Variants in WDR49 observed in about 807,000 individuals in gnomAD.
WDR49 encodes WD repeat domain 49, also known as cilia- and flagella-associated protein 337.
In WDR49, 107 loss-of-function variants were observed where a neutral mutation model predicts 119.5. The observed-to-expected ratio is 0.90, with a 90% CI of 0.77 to 1.05. The LOEUF (loss-of-function observed/expected upper bound fraction) is 1.05. Ranked by LOEUF, WDR49 falls within the 50% of genes least tolerant of loss-of-function variation. The pLI, the probability that WDR49 is intolerant of heterozygous loss-of-function variation, is 0.00. For missense variants in WDR49, 1,240 were observed against 1,220.5 expected (o/e 1.02, Z -0.24); for synonymous variants, 425 against 418.8 (o/e 1.01, Z -0.18).
intron 16 of WDR49, among the ~76,000 whole-genome samples, chr3:167,510,246 G>A (rs1025641444): frequency 1.3e-5 from 2 of 152,110 alleles, no homozygotes; most frequent in African/African-American, 2.4e-5. Flanking sequence ...AGCTGGGCAT[G>A]GTGGCATATG....
At chr3:167,565,404 C>CAT in intron 8 of WDR49, among the ~76,000 whole-genome samples, 1 of 143,344 alleles carries the variant, frequency 7.0e-6, no homozygotes. Context: ...CACACACACA[C>CAT]ACACACACTT....
At chr3:167,520,361 A>G (rs1752393801) in intron 16 of WDR49, among the ~76,000 whole-genome samples, 1 of 152,088 alleles carries the variant, frequency 6.6e-6, no homozygotes, top group Non-Finnish European at 1.5e-5. Flanking sequence ...TCTGCTATGC[A>G]TGTGATGGAA....
At chr3:167,519,419 A>C (rs546214777) in intron 16 of WDR49, among the ~76,000 whole-genome samples, 1 of 152,232 alleles carries the variant, frequency 6.6e-6, no homozygotes, top group Non-Finnish European at 1.5e-5. Flanking sequence ...TGGATAAAGA[A>C]AATGTTACAT....
At chr3:167,584,481 T>C (rs766163863) in intron 7 of WDR49, among the ~76,000 whole-genome samples, 12 of 152,108 alleles carry the variant, frequency 7.9e-5, no homozygotes, top group Non-Finnish European at 1.8e-4. Context: ...TGTTGGAGGA[T>C]AGTTCAAATG....
chr3:167,576,212 A>T (rs1404346665), intron 7 of WDR49, 61 bp from the exon 8 acceptor site: 2 of 1,471,884 alleles, frequency 1.4e-6, no homozygotes, highest in East Asian at 2.4e-5. Flanking sequence ...CTTTTAGCCA[A>T]TTTTTTTTCT....
Position 167,536,910 on chromosome 3 carries a change from G to A in WDR49, c.1914C>T (p.Ile638=), listed in dbSNP as rs267599676. ...GTGGAGGTAAAAACGCAGCACACAA[G>A]ATGTCATCATGGTGCTGTATACCTC... The part of the protein sequence containing the change: ...WKGGIQHHDD[I]LCAAFLPPQT... Residue 638 remains isoleucine, a synonymous_variant, in exon 11 of 19, where the codon ATC becomes ATT. Transcript: ENST00000682715. 2 of 1,545,242 alleles carry A rather than the reference G, an allele frequency of 1.3e-6. No homozygotes were observed. The highest frequency in any genetic ancestry group is 2.6e-5 in the South Asian group (2 of 78,348).
intron 15 of WDR49, among the ~76,000 whole-genome samples, chr3:167,524,281 T>C (rs1185605675): frequency 1.3e-5 from 2 of 152,206 alleles, no homozygotes; most frequent in African/African-American, 4.8e-5. Flanking sequence ...AAGTTCCTCA[T>C]AGATTCTGGA....
chr3:167,604,362 T>C lies in WDR49; in HGVS notation c.1065A>G (p.Thr355=), dbSNP rs199923313. 101 of 1,613,838 alleles carry C rather than the reference T, an allele frequency of 6.3e-5. No homozygotes were observed. The African/African-American group carries it at 1.2e-3, about 20-fold the overall frequency. The change falls in exon 6 of 19, where the codon ACA becomes ACG. Residue 355 remains threonine (T), a synonymous_variant. Coordinates refer to ENST00000682715, the MANE Select transcript of WDR49 (RefSeq NM_001366157.1). The part of the protein sequence containing the change: ...REKSKKRLNM[T]SFNIAQGIHA... Reference sequence around the variant, plus strand: ...GAATGCCCTGGGCAATGTTGAAGGATGTCATATTAAGACGCTTTTTTGATT... The same window carrying C: ...GAATGCCCTGGGCAATGTTGAAGGACGTCATATTAAGACGCTTTTTTGATT...
At chr3:167,584,508 A>G (rs1169404858) in intron 7 of WDR49, among the ~76,000 whole-genome samples, 9 of 152,170 alleles carry the variant, frequency 5.9e-5, no homozygotes, top group Admixed American at 5.9e-4. Flanking sequence ...GAAAAACAAT[A>G]AGTAGGAATT....
intron 2 of WDR49, among the ~76,000 whole-genome samples, chr3:167,634,892 A>G (rs1245965908): frequency 1.3e-5 from 2 of 151,828 alleles, no homozygotes; most frequent in Non-Finnish European, 2.9e-5. Context: ...GCAGAAACAG[A>G]AACGACCAGT....
At chr3:167,545,727 G>C (rs1712149444) in intron 10 of WDR49, among the ~76,000 whole-genome samples, 1 of 150,208 alleles carries the variant, frequency 6.7e-6, no homozygotes, top group Non-Finnish European at 1.5e-5. Context: ...GGTGGAAGGG[G>C]AGTGAGGGAT....
At chr3:167,490,879 TG>T (rs1751108270) in intron 18 of WDR49, among the ~76,000 whole-genome samples, 1 of 152,134 alleles carries the variant, frequency 6.6e-6, no homozygotes, top group Non-Finnish European at 1.5e-5. Context: ...CAAATTGGAC[TG>T]GTCTGCTACC....
intron 5 of WDR49, among the ~76,000 whole-genome samples, chr3:167,616,311 C>G (rs891003099): frequency 6.6e-6 from 1 of 152,174 alleles, no homozygotes; most frequent in Non-Finnish European, 1.5e-5. Flanking sequence ...GATGGCATAA[C>G]AAGGACTGAT....
chr3:167,478,820 G>A lies in WDR49; in HGVS notation c.*58C>T. 1 of 1,201,942 alleles carries A rather than the reference G, an allele frequency of 8.3e-7. No homozygotes were observed. The highest frequency in any genetic ancestry group is 1.2e-6 in the Non-Finnish European group (1 of 856,798). 74.5% of individuals were successfully genotyped at this position (1,201,942 alleles called of 1,614,324 possible). A position where few individuals can be genotyped will look rare whatever the true frequency, so the allele number is the denominator to read the frequency against. ...TAAAATAAAAGGCAGAATTCTTGAT[G>A]CTTTTTCTGCATTTTATATCTGTAC... On this transcript the variant is annotated 3_prime_UTR_variant, in exon 19 of 19. Transcript: ENST00000682715.
chr3:167,610,849 A>G (rs912255094), intron 5 of WDR49, among the ~76,000 whole-genome samples: 2 of 152,220 alleles, frequency 1.3e-5, no homozygotes, highest in Admixed American at 6.5e-5. Flanking sequence ...AGACAGAGAG[A>G]CTTTGCATGT....
chr3:167,522,444 T>C lies in WDR49; in HGVS notation c.2645A>G (p.Lys882Arg), dbSNP rs770858129. The C allele has an allele frequency of 6.2e-7, 1 of 1,606,050 alleles. No homozygotes were observed. Among genetic ancestry groups the C allele is most frequent in the East Asian group, 2.2e-5 (1 of 44,724 alleles). The change falls in exon 16 of 19, where the codon AAA (lysine) becomes AGA (arginine). Residue 882 changes from lysine to arginine, a missense_variant. Coordinates refer to ENST00000682715, the MANE Select transcript of WDR49 (RefSeq NM_001366157.1). ...WHIENCLFLPKRDTNLVESEI... is the reference protein window; with the variant it reads ...WHIENCLFLPRRDTNLVESEI... Reference sequence around the variant, plus strand: ...ACTTTCCACTAAATTAGTATCTCTTTTAGGAAGGAAAAGGCAGTTTTCAAT... The same window carrying C: ...ACTTTCCACTAAATTAGTATCTCTTCTAGGAAGGAAAAGGCAGTTTTCAAT...
At chr3:167,601,319 G>T (rs1032856914) in intron 7 of WDR49, among the ~76,000 whole-genome samples, 5 of 152,120 alleles carry the variant, frequency 3.3e-5, no homozygotes, top group African/African-American at 9.7e-5. Context: ...AGGAGTTGAA[G>T]ATGAATTTCT....
intron 7 of WDR49, among the ~76,000 whole-genome samples, chr3:167,595,574 A>C (rs1172476017): frequency 6.6e-6 from 1 of 152,238 alleles, no homozygotes; most frequent in Non-Finnish European, 1.5e-5. Context: ...GCATATCTAC[A>C]ACTATCTGAT....
chr3:167,484,903 T>C (rs531267520), intron 18 of WDR49, among the ~76,000 whole-genome samples: 2 of 152,300 alleles, frequency 1.3e-5, no homozygotes, highest in Admixed American at 6.5e-5. Context: ...CGTATGTTTA[T>C]TGCTGCACTG....
Sources: allele counts gnomAD v4.1 joint callset (sites outside exome capture counted in the v4.1 genomes callset), GRCh38; gene constraint gnomAD v4.1.1; transcripts MANE v1.5; gene names NCBI Gene and HGNC (gene_info 2026-07-23, HGNC 2026-07-21).